ZCCHC24: variants seen among roughly 807,000 people sequenced by gnomAD.
The protein encoded by ZCCHC24 is zinc finger CCHC-type containing 24, also known as zinc finger CCHC domain-containing protein 24.
ZCCHC24 carries 10 observed loss-of-function variants against 26.2 expected under a neutral mutation model. The ratio of observed to expected loss-of-function variants is 0.38; its 90% CI spans 0.24 to 0.65. The LOEUF is 0.65. Among genes scored for constraint, ZCCHC24 ranks in the 30% least tolerant of loss-of-function variants. The probability of loss-of-function intolerance (pLI) is 0.54; values close to 1 mark genes in which losing one functional copy is unlikely to be tolerated. For synonymous variants in ZCCHC24, 144 were observed against 147.1 expected (o/e 0.98, Z 0.15); for missense variants, 243 against 329.1 (o/e 0.74, Z 2.03).
intron 1 of ZCCHC24, chr10:79,444,010 C>G: frequency 1.4e-6 from 2 of 1,409,072 alleles, no homozygotes; most frequent in Non-Finnish European, 1.9e-6. Flanking sequence ...CAAGGGCGAC[C>G]CTCTGCCTCC....
At chr10:79,435,573 G>A (rs1335817138) in intron 1 of ZCCHC24, among the ~76,000 whole-genome samples, 2 of 152,188 alleles carry the variant, frequency 1.3e-5, no homozygotes, top group Non-Finnish European at 2.9e-5. Flanking sequence ...CCTCCAGCCT[G>A]TCTCCAGGGA....
At chr10:79,441,001 A>G (rs936406149) in intron 1 of ZCCHC24, among the ~76,000 whole-genome samples, 2 of 151,916 alleles carry the variant, frequency 1.3e-5, no homozygotes, top group Non-Finnish European at 2.9e-5. Context: ...AGGGTGGCCA[A>G]GAGAGCTGGG....
At chr10:79,409,801 G>C (rs555752286) in intron 2 of ZCCHC24, among the ~76,000 whole-genome samples, 36 of 152,350 alleles carry the variant, frequency 2.4e-4, no homozygotes, top group African/African-American at 8.2e-4. Context: ...TGTCCCACCC[G>C]GGCAGCTGGA....
intron 2 of ZCCHC24, among the ~76,000 whole-genome samples, chr10:79,400,674 T>A (rs1370112995): frequency 1.3e-5 from 2 of 152,096 alleles, no homozygotes; most frequent in East Asian, 3.9e-4. Flanking sequence ...GCACTGTGCT[T>A]TCCCAAGGTG....
At chr10:79,443,676 C>T (rs997339853) in intron 1 of ZCCHC24, among the ~76,000 whole-genome samples, 2 of 152,234 alleles carry the variant, frequency 1.3e-5, no homozygotes, top group Admixed American at 1.3e-4. Context: ...AAACACCCCA[C>T]AAACGGTCCT....
intron 2 of ZCCHC24, among the ~76,000 whole-genome samples, chr10:79,400,478 C>T (rs1403447470): frequency 6.6e-6 from 1 of 152,250 alleles, no homozygotes; most frequent in Non-Finnish European, 1.5e-5. Context: ...ATAACCGCTG[C>T]ACAAGAACAG....
chr10:79,436,492 C>T (rs1228303136), intron 1 of ZCCHC24, among the ~76,000 whole-genome samples: 2 of 152,238 alleles, frequency 1.3e-5, no homozygotes, highest in African/African-American at 4.8e-5. Context: ...GTCAGCACTG[C>T]GGTTGGCAGG....
intron 2 of ZCCHC24, among the ~76,000 whole-genome samples, chr10:79,413,759 C>CGTGT (rs1564636033): frequency 5.5e-5 from 4 of 73,276 alleles, no homozygotes; most frequent in South Asian, 5.2e-4. Flanking sequence ...TGTGCGTGCG[C>CGTGT]ATGTGTGTGT....
At chr10:79,432,494 C>G (rs1002463052) in intron 2 of ZCCHC24, 64 bp downstream of exon 2, 3 of 1,540,948 alleles carry the variant, frequency 1.9e-6, no homozygotes, top group Non-Finnish European at 2.6e-6. Context: ...GCCCTACCCA[C>G]AGGAGCCTGT....
chr10:79,387,262 C>T (rs1856409706), intron 3 of ZCCHC24, among the ~76,000 whole-genome samples: 1 of 152,186 alleles, frequency 6.6e-6, no homozygotes, highest in Non-Finnish European at 1.5e-5. Context: ...GCCTCCGTTT[C>T]CATATCTGTG....
intron 3 of ZCCHC24, among the ~76,000 whole-genome samples, chr10:79,387,067 G>A (rs1221051280): frequency 1.3e-5 from 2 of 152,174 alleles, no homozygotes; most frequent in Non-Finnish European, 2.9e-5. Context: ...ACAGTGCTTC[G>A]GGCTTGTGGT....
At chr10:79,434,968 A>G (rs1857195345) in intron 1 of ZCCHC24, among the ~76,000 whole-genome samples, 1 of 151,786 alleles carries the variant, frequency 6.6e-6, no homozygotes, top group South Asian at 2.1e-4. Context: ...AGCCCCACCC[A>G]GCCTTGGAGC....
chr10:79,395,895 T>G (rs763563717), intron 2 of ZCCHC24, among the ~76,000 whole-genome samples: 7 of 152,186 alleles, frequency 4.6e-5, no homozygotes, highest in Non-Finnish European at 8.8e-5. Context: ...TCAATTGGTT[T>G]TAAGTAAATT....
At chr10:79,387,790 G>A (rs1856420373) in intron 3 of ZCCHC24, among the ~76,000 whole-genome samples, 1 of 152,258 alleles carries the variant, frequency 6.6e-6, no homozygotes, top group Non-Finnish European at 1.5e-5. Flanking sequence ...ACTCAGAGCG[G>A]TCTGGGAATG....
At chr10:79,431,330 G>C (rs1258801422) in intron 2 of ZCCHC24, among the ~76,000 whole-genome samples, 1 of 152,216 alleles carries the variant, frequency 6.6e-6, no homozygotes, top group East Asian at 1.9e-4. Context: ...TCTGCTGGGA[G>C]CCAATAGCCT....
chr10:79,396,142 A>G (rs1253110266), intron 2 of ZCCHC24, among the ~76,000 whole-genome samples: 1 of 152,190 alleles, frequency 6.6e-6, no homozygotes, highest in African/African-American at 2.4e-5. Context: ...ACTTAGTGTC[A>G]TGTTTTCAAG....
At chr10:79,386,959 C>A (rs1464958301) in intron 3 of ZCCHC24, among the ~76,000 whole-genome samples, 2 of 152,166 alleles carry the variant, frequency 1.3e-5, no homozygotes, top group East Asian at 3.9e-4. Flanking sequence ...CCACATCTCC[C>A]GACCCCAGCA....
intron 2 of ZCCHC24, among the ~76,000 whole-genome samples, chr10:79,395,858 A>C (rs4980070): frequency 0.83 from 125,978 of 152,224 alleles, 52,252 homozygotes; most frequent in East Asian, 0.92. Flanking sequence ...CATGTATCTT[A>C]CAGTTTACCC....
intron 2 of ZCCHC24, among the ~76,000 whole-genome samples, chr10:79,430,465 C>T (rs576885056): frequency 6.6e-6 from 1 of 151,832 alleles, no homozygotes; most frequent in Non-Finnish European, 1.5e-5. Flanking sequence ...ATACATTCTG[C>T]CCTCTCCACC....
Sources: gnomAD v4.1 joint callset for allele counts (sites outside exome capture counted in the v4.1 genomes callset) on GRCh38, gnomAD v4.1.1 for gene constraint, MANE v1.5 for transcripts, NCBI Gene and HGNC (gene_info 2026-07-23, HGNC 2026-07-21) for gene names.